ZNRF3: variants seen among roughly 807,000 people sequenced by gnomAD.
ZNRF3 encodes the protein E3 ubiquitin-protein ligase ZNRF3.
In ZNRF3, 23 loss-of-function variants were observed where a neutral mutation model predicts 72.5. That is an observed-to-expected ratio of 0.32 (90% CI 0.23 to 0.45). ZNRF3 has a LOEUF of 0.45. Ranked by LOEUF, ZNRF3 falls within the 20% of genes least tolerant of loss-of-function variation. ZNRF3 has a pLI of 1.00. For missense variants in ZNRF3, 1,169 were observed against 1,272.1 expected, an observed-to-expected ratio of 0.92 and a Z score of 1.23; for synonymous variants, 610 against 545.3, an observed-to-expected ratio of 1.12 and a Z score of -1.65.
intron 2 of ZNRF3, among the ~76,000 whole-genome samples, chr22:29,039,329 A>ATT (rs2036917546): frequency 6.6e-6 from 1 of 152,122 alleles, no homozygotes; most frequent in East Asian, 1.9e-4. Context: ...TTTCATCCTG[A>ATT]GGCCATTAGA....
intron 1 of ZNRF3, among the ~76,000 whole-genome samples, chr22:28,978,145 C>T (rs1168136382): frequency 2.0e-5 from 3 of 152,092 alleles, no homozygotes; most frequent in Admixed American, 6.5e-5. Flanking sequence ...CCAGAGATGG[C>T]CAGGTATATG....
At chr22:28,985,041 CT>C (rs1374782127) in intron 1 of ZNRF3, among the ~76,000 whole-genome samples, 2 of 152,288 alleles carry the variant, frequency 1.3e-5, no homozygotes, top group South Asian at 4.1e-4. Flanking sequence ...TCTCACCTGC[CT>C]TATGAGCTTG....
intron 1 of ZNRF3, among the ~76,000 whole-genome samples, chr22:28,890,877 C>T (rs921802451): frequency 6.6e-6 from 1 of 151,996 alleles, no homozygotes; most frequent in Admixed American, 6.6e-5. Context: ...CAGGCCTCAG[C>T]TTCCCCAGTT....
rs750756185 is a variant in ZNRF3 at position 29,050,031 on chromosome 22, G to T, written c.1850G>T (p.Gly617Val). 1.2e-6 allele frequency: 2 copies of T among 1,609,978 alleles called. No homozygotes were observed. Among genetic ancestry groups the T allele is most frequent in the Non-Finnish European group, 8.5e-7 (1 of 1,178,644 alleles). ...GAGGCGGGGGGCTCGGGCAGCTCGG[G>T]CCGGGGACCTGCCCTGTGCTTCGAG... The part of the protein sequence containing the change: ...ASEAGGSGSS[G>V]RGPALCFEGS... The change falls in exon 8 of 9, where the codon GGC becomes GTC. Residue 617 changes from glycine (G) to valine (V), a missense_variant. Gly to Val is a moderately radical substitution (Grantham distance 109). Transcript: ENST00000544604.
chr22:28,971,710 TAAG>T (rs2035578895), intron 1 of ZNRF3, among the ~76,000 whole-genome samples: 2 of 152,066 alleles, frequency 1.3e-5, no homozygotes, highest in South Asian at 2.1e-4. Context: ...AAAAATTAAA[TAAG>T]AAATTTTTAA....
rs1569300214 is a variant in ZNRF3, at chr22:29,053,587, T to C, written c.2776T>C (p.Ser926Pro). ...TTCTCTCTCTTTCCCAGGACCGAGA[T>C]CTCACTCAGCAGACAGCAGCAGCCC... ...TTATEAAGPR[S>P]HSADSSSPGA Residue 926 changes from serine (S) to proline (P), a missense_variant, in exon 9 of 9, where the codon TCT becomes CCT. Ser to Pro is a moderately conservative substitution (Grantham distance 74, BLOSUM62 -1). Transcript: ENST00000544604. 2.5e-6 allele frequency: 4 copies of C among 1,612,748 alleles called. No individual in the cohort carries two copies. The highest frequency in any genetic ancestry group is 3.4e-6 in the Non-Finnish European group (4 of 1,179,424).
At chr22:29,018,932 G>C (rs771130623) in intron 2 of ZNRF3, among the ~76,000 whole-genome samples, 3 of 150,922 alleles carry the variant, frequency 2.0e-5, no homozygotes, top group Non-Finnish European at 4.4e-5. Context: ...GTTCTGGTCT[G>C]TGCCAGCTTG....
intron 1 of ZNRF3, among the ~76,000 whole-genome samples, chr22:28,961,205 T>C (rs2123803278): frequency 6.6e-6 from 1 of 152,278 alleles, no homozygotes; most frequent in East Asian, 1.9e-4. Context: ...AATCTGTTCA[T>C]GAGGGAAGAG....
At chr22:29,038,441 G>GTC (rs2123878074) in intron 2 of ZNRF3, among the ~76,000 whole-genome samples, 1 of 151,598 alleles carries the variant, frequency 6.6e-6, no homozygotes, top group Admixed American at 6.6e-5. Context: ...GGCTCAAGCA[G>GTC]TCTACCTCAG....
At chr22:29,038,965 T>C (rs58863891) in intron 2 of ZNRF3, among the ~76,000 whole-genome samples, 1,676 of 150,494 alleles carry the variant, frequency 0.011, 39 homozygotes, top group African/African-American at 0.039. Flanking sequence ...TATATATATA[T>C]AGAGAGAGAG....
At chr22:28,898,578 C>T (rs1036809204) in intron 1 of ZNRF3, among the ~76,000 whole-genome samples, 7 of 152,138 alleles carry the variant, frequency 4.6e-5, no homozygotes, top group African/African-American at 1.7e-4. Flanking sequence ...CTTAAAACAC[C>T]GGGACTTTTG....
intron 1 of ZNRF3, among the ~76,000 whole-genome samples, chr22:28,946,158 C>A (rs2035048899): frequency 6.6e-6 from 1 of 152,140 alleles, no homozygotes; most frequent in South Asian, 2.1e-4. Context: ...ATAAGGGACA[C>A]CCCAGCCTGT....
At chr22:28,891,741 A>G (rs934832170) in intron 1 of ZNRF3, among the ~76,000 whole-genome samples, 6 of 152,222 alleles carry the variant, frequency 3.9e-5, no homozygotes, top group Non-Finnish European at 7.3e-5. Flanking sequence ...TAAACCCAAA[A>G]CGATTGACCA....
At chr22:28,997,208 G>A (rs530836430) in intron 2 of ZNRF3, among the ~76,000 whole-genome samples, 29 of 152,282 alleles carry the variant, frequency 1.9e-4, no homozygotes, top group African/African-American at 7.0e-4. Flanking sequence ...TATTTGTCAT[G>A]TACCTGAGCA....
chr22:28,972,432 A>T (rs5762923), intron 1 of ZNRF3, among the ~76,000 whole-genome samples: 1 of 152,200 alleles, frequency 6.6e-6, no homozygotes, highest in Admixed American at 6.5e-5. Context: ...GTTGTAGCAT[A>T]TATCAGTACT....
rs904972695 is a variant in ZNRF3 at position 29,048,020 on chromosome 22, G to A, written c.913-369G>A. ...ACCTCAGAGATGCAGAATATCTTGG[G>A]GTATACCTGGCCCTCTCTCCATACC... is the stretch of plus-strand genomic sequence containing the variant. On this transcript the variant is annotated intron_variant, in intron 6 of 8. Transcript: ENST00000544604. The surrounding 1 kb of genome is among the most constrained non-coding windows in gnomAD (Gnocchi z 4.9). Among the ~76,000 whole-genome samples the A allele has an allele frequency of 1.3e-5, 2 of 152,024 alleles. No homozygotes were observed. Among genetic ancestry groups the A allele is most frequent in the East Asian group, 1.9e-4 (1 of 5,178 alleles).
At chr22:28,909,939 T>C (rs940697779) in intron 1 of ZNRF3, among the ~76,000 whole-genome samples, 6 of 151,590 alleles carry the variant, frequency 4.0e-5, no homozygotes, top group African/African-American at 1.5e-4. Context: ...GGGGTCTTAC[T>C]ATGTTTCCCA....
At chr22:29,046,636 G>T in intron 5 of ZNRF3, 80 bp from the exon 6 acceptor site, 1 of 1,388,086 alleles carries the variant, frequency 7.2e-7, no homozygotes. Context: ...CTGTCCCAGT[G>T]AATCGTGTGT....
intron 1 of ZNRF3, among the ~76,000 whole-genome samples, chr22:28,928,801 A>G (rs2034652029): frequency 6.6e-6 from 1 of 152,062 alleles, no homozygotes; most frequent in African/African-American, 2.4e-5. Context: ...CGGCCCAGAA[A>G]TGTCTTTTAT....
Sources: gnomAD v4.1 joint callset for allele counts (sites outside exome capture counted in the v4.1 genomes callset) on GRCh38, gnomAD v4.1.1 for gene constraint, Gnocchi (gnomAD v3.1) non-coding constraint, MANE v1.5 for transcripts, NCBI Gene and HGNC (gene_info 2026-07-23, HGNC 2026-07-21) for gene names.